Variants in ESYT2 observed in about 807,000 individuals in gnomAD.
ESYT2 encodes extended synaptotagmin 2, also known as extended synaptotagmin-2.
ESYT2 carries 54 observed loss-of-function variants against 107.2 expected under a neutral mutation model. That is an observed-to-expected ratio of 0.50 (90% CI 0.40 to 0.63). The LOEUF (loss-of-function observed/expected upper bound fraction) is 0.63, where lower values mean the gene tolerates loss of function less well. ESYT2 is among the 30% of genes least tolerant of loss of function. ESYT2 has a pLI of 0.00. For missense variants in ESYT2, 1,020 were observed against 1,094.5 expected (o/e 0.93, Z 0.96); for synonymous variants, 491 against 434.1 (o/e 1.13, Z -1.63).
At chr7:158,771,521 G>A (rs577897569) in intron 7 of ESYT2, among the ~76,000 whole-genome samples, 1 of 152,312 alleles carries the variant, frequency 6.6e-6, no homozygotes, top group South Asian at 2.1e-4. Context: ...AGTTGGGCGG[G>A]GACCTAGCGG....
At chr7:158,815,168 C>G (rs530554528) in intron 1 of ESYT2, among the ~76,000 whole-genome samples, 9 of 152,202 alleles carry the variant, frequency 5.9e-5, no homozygotes, top group African/African-American at 2.2e-4. Flanking sequence ...TACACTCCTC[C>G]GAGTGCAGAG....
rs1013971464 is a variant in ESYT2 at position 158,787,347 on chromosome 7, C to T, written c.747+657G>A. On this transcript the variant is annotated intron_variant, in intron 6 of 22. Transcript: ENST00000275418. The stretch of plus-strand genomic sequence containing the variant: ...AAAGGAAATACTCACTGGAGTCTAA[C>T]GCAAATATTACAAAACCTGAAACAA... Among the ~76,000 whole-genome samples, 9 of 152,292 alleles carry T rather than the reference C, an allele frequency of 5.9e-5. No homozygotes were observed. The South Asian group carries it at 6.2e-4, about 11-fold the overall frequency.
rs749500795 is a variant in ESYT2, at chr7:158,767,645, C to T, written c.924+9G>A. 5 of 1,606,438 alleles carry T rather than the reference C, an allele frequency of 3.1e-6. No individual in the cohort carries two copies. In the South Asian group the frequency reaches 5.6e-5, roughly 18 times the overall value. On this transcript the variant is annotated intron_variant, in intron 8 of 22. Transcript: ENST00000275418. ...TTTTAAATGTGAATGGATGCCGGGA[C>T]ACGCTTACCTTTGGTACAGGAAACC...
At chr7:158,798,646 C>CAAAAAAAAAAAAAAAAA (rs57351086) in intron 2 of ESYT2, among the ~76,000 whole-genome samples, 7 of 49,852 alleles carry the variant, frequency 1.4e-4, no homozygotes, top group Non-Finnish European at 2.3e-4. Context: ...AGCTCCGTCT[C>CAAAAAAAAAAAAAAAAA]AAAAAAAAAA....
chr7:158,784,012 G>A (rs1392259767), intron 6 of ESYT2, among the ~76,000 whole-genome samples: 2 of 152,116 alleles, frequency 1.3e-5, no homozygotes, highest in African/African-American at 4.8e-5. Flanking sequence ...GCTGGGGCAG[G>A]TGCAGACCCT....
At chr7:158,734,382 C>G (rs763013796) in intron 22 of ESYT2, 40 bp downstream of exon 22, 24 of 1,612,584 alleles carry the variant, frequency 1.5e-5, no homozygotes, top group Middle Eastern at 1.6e-4. Flanking sequence ...GCGTTTTTAG[C>G]TACACACTGG....
intron 6 of ESYT2, among the ~76,000 whole-genome samples, chr7:158,785,108 A>C (rs1006265095): frequency 3.3e-5 from 5 of 152,154 alleles, no homozygotes; most frequent in African/African-American, 1.2e-4. Context: ...CAATTATCCA[A>C]GCTTTTCTCC....
chr7:158,776,325 G>A (rs1467166693), intron 6 of ESYT2, among the ~76,000 whole-genome samples: 1 of 152,182 alleles, frequency 6.6e-6, no homozygotes, highest in Non-Finnish European at 1.5e-5. Flanking sequence ...TTGAAGTCAG[G>A]CACTGACCGC....
intron 2 of ESYT2, among the ~76,000 whole-genome samples, chr7:158,798,784 A>C (rs1015727434): frequency 3.9e-5 from 6 of 152,210 alleles, no homozygotes; most frequent in Admixed American, 3.9e-4. Flanking sequence ...TCAGAAAAGA[A>C]GACACATGGC....
At chr7:158,738,556 G>C (rs577663616) in intron 19 of ESYT2, among the ~76,000 whole-genome samples, 1 of 152,214 alleles carries the variant, frequency 6.6e-6, no homozygotes, top group South Asian at 2.1e-4. Context: ...CTGGGTTCAA[G>C]TGATTCTCCT....
chr7:158,793,293 G>A (rs1162549456), intron 4 of ESYT2, among the ~76,000 whole-genome samples: 2 of 152,086 alleles, frequency 1.3e-5, no homozygotes, highest in African/African-American at 4.8e-5. Context: ...TTTGCATTCT[G>A]GGAATAAATC....
At chr7:158,809,472 C>T (rs1249772813) in intron 1 of ESYT2, among the ~76,000 whole-genome samples, 2 of 26,074 alleles carry the variant, frequency 7.7e-5, no homozygotes, top group Non-Finnish European at 1.4e-4. Flanking sequence ...AAGAATCCAT[C>T]TCAAAAAAAA....
At position 158,764,202 on chromosome 7, in the gene ESYT2, A is replaced by G. The variant is rs533222171; in HGVS notation, c.1101+475T>C. The stretch of plus-strand genomic sequence containing the variant: ...CAGCATTGTTTGTAATGCTGACCTG[A>G]ATAGCCTAGGCCTCTCTGGGTAAAC... On this transcript the variant is annotated intron_variant, in intron 9 of 22. Coordinates refer to ENST00000275418, the MANE Select transcript of ESYT2 (RefSeq NM_001367773.1). 2.0e-5 allele frequency among the ~76,000 whole-genome samples: 3 copies of G among 152,306 alleles called. No individual in the cohort carries two copies. In the East Asian group the frequency reaches 5.8e-4, roughly 29 times the overall value.
intron 6 of ESYT2, among the ~76,000 whole-genome samples, chr7:158,774,343 C>T (rs561507907): frequency 2.8e-4 from 42 of 152,186 alleles, no homozygotes; most frequent in Admixed American, 1.0e-3. Context: ...TAAGATTTCT[C>T]AATGTAACAG....
chr7:158,746,820 G>A (rs1453765487), intron 16 of ESYT2, among the ~76,000 whole-genome samples: 1 of 152,140 alleles, frequency 6.6e-6, no homozygotes, highest in Non-Finnish European at 1.5e-5. Context: ...ATCGCTGCTC[G>A]AGCCCAGGAG....
chr7:158,743,774 T>C (rs66795622), intron 16 of ESYT2, 96 bp from the exon 17 acceptor site: 59 of 1,343,114 alleles, frequency 4.4e-5, no homozygotes, highest in African/African-American at 1.1e-4. Flanking sequence ...TCCTCAGAGA[T>C]AGGAACTTAG....
At chr7:158,802,406 G>A (rs1357187573) in intron 1 of ESYT2, among the ~76,000 whole-genome samples, 1 of 151,816 alleles carries the variant, frequency 6.6e-6, no homozygotes, top group Non-Finnish European at 1.5e-5. Flanking sequence ...CCTGCCTCTC[G>A]AGTAGCTGGG....
chr7:158,746,928 T>C (rs1837420917), intron 16 of ESYT2, among the ~76,000 whole-genome samples: 1 of 152,224 alleles, frequency 6.6e-6, no homozygotes, highest in Non-Finnish European at 1.5e-5. Flanking sequence ...GGTGTCTGCC[T>C]GTAGTCCCAG....
chr7:158,800,797 C>T (rs1040929598), intron 1 of ESYT2, among the ~76,000 whole-genome samples: 2 of 150,688 alleles, frequency 1.3e-5, no homozygotes, highest in Non-Finnish European at 1.5e-5. Context: ...GGCACGATCT[C>T]GACTCGCCAC....
Sources: gnomAD v4.1 joint callset for allele counts (sites outside exome capture counted in the v4.1 genomes callset) on GRCh38, gnomAD v4.1.1 for gene constraint, MANE v1.5 for transcripts, NCBI Gene and HGNC (gene_info 2026-07-23, HGNC 2026-07-21) for gene names.